The following ALX1 variants were observed in gnomAD, a reference collection of about 807,000 sequenced individuals.
ALX1 encodes the protein ALX homeobox 1.
ALX1 carries 19 observed loss-of-function variants against 31.7 expected under a neutral mutation model. The observed-to-expected ratio is 0.60, with a 90% CI of 0.42 to 0.88. The LOEUF (loss-of-function observed/expected upper bound fraction) is 0.88. Among genes scored for constraint, ALX1 ranks in the 40% least tolerant of loss-of-function variants. The pLI is 0.00. For synonymous variants in ALX1, 153 were observed against 148.8 expected (o/e 1.03, Z -0.20); for missense variants, 415 against 407.8 (o/e 1.02, Z -0.15).
intron 3 of ALX1, among the ~76,000 whole-genome samples, chr12:85,299,588 A>C (rs1021331248): frequency 3.3e-5 from 5 of 151,746 alleles, no homozygotes; most frequent in African/African-American, 1.2e-4. Flanking sequence ...TTTTAAGACA[A>C]CCCAGATATG....
intron 1 of ALX1, among the ~76,000 whole-genome samples, chr12:85,280,710 G>T (rs2137373410): frequency 6.6e-6 from 1 of 152,298 alleles, no homozygotes; most frequent in Admixed American, 6.5e-5. Flanking sequence ...GCACCGGGTT[G>T]CCTCTGAGCG....
At chr12:85,297,064 G>C (rs906192365) in intron 3 of ALX1, among the ~76,000 whole-genome samples, 7 of 151,806 alleles carry the variant, frequency 4.6e-5, no homozygotes, top group Non-Finnish European at 7.4e-5. Flanking sequence ...CCAGGGCATA[G>C]TTTAAAAATT....
chr12:85,285,148 TAA>T (rs1351616572), intron 2 of ALX1, among the ~76,000 whole-genome samples: 1 of 152,124 alleles, frequency 6.6e-6, no homozygotes, highest in African/African-American at 2.4e-5. Flanking sequence ...CTTGTAACCA[TAA>T]ACAAATATGT....
chr12:85,299,157 G>A (rs1358667273), intron 3 of ALX1, among the ~76,000 whole-genome samples: 1 of 148,300 alleles, frequency 6.7e-6, no homozygotes, highest in African/African-American at 2.5e-5. Context: ...AAGTAAGCAA[G>A]CAAAGTTCAC....
chr12:85,282,298 AATGTT>A (rs1302311873), intron 1 of ALX1, among the ~76,000 whole-genome samples: 1 of 152,130 alleles, frequency 6.6e-6, no homozygotes, highest in Non-Finnish European at 1.5e-5. Flanking sequence ...GGTACAAAGT[AATGTT>A]AAGTTTTTTT....
intron 3 of ALX1, among the ~76,000 whole-genome samples, chr12:85,288,797 G>C (rs528375530): frequency 5.0e-4 from 76 of 151,594 alleles, no homozygotes; most frequent in Non-Finnish European, 9.8e-4. Context: ...ACAATAGACT[G>C]TCTCTACCTG....
intron 2 of ALX1, among the ~76,000 whole-genome samples, chr12:85,284,391 A>T (rs1317033462): frequency 1.3e-5 from 2 of 151,522 alleles, no homozygotes; most frequent in African/African-American, 4.8e-5. Flanking sequence ...ATACCATGGA[A>T]TGTTTTCACT....
chr12:85,294,115 G>T (rs192902951), intron 3 of ALX1, among the ~76,000 whole-genome samples: 11 of 151,166 alleles, frequency 7.3e-5, no homozygotes, highest in African/African-American at 2.7e-4. Context: ...CTCCAAGCAA[G>T]ATCTCTAAAA....
chr12:85,286,251 T>C (rs1253114249), intron 2 of ALX1, among the ~76,000 whole-genome samples: 1 of 151,938 alleles, frequency 6.6e-6, no homozygotes, highest in Admixed American at 6.6e-5. Flanking sequence ...TCATGCTTAT[T>C]ATAATATGTA....
Position 85,299,255 on chromosome 12 carries a change from TC to T in ALX1, c.661-1899del, listed in dbSNP as rs1896928916. Among the ~76,000 whole-genome samples the T allele has an allele frequency of 4.6e-5, 7 of 151,318 alleles. No individual in the cohort carries two copies. The South Asian group carries it at 1.5e-3, about 32-fold the overall frequency. ...TGTGTGATTGAATGTCAGAGGAAAA[TC>T]ACGCAGATGAAGTTAGAAGAGGTAG... is the stretch of plus-strand genomic sequence containing the variant. On this transcript the variant is annotated intron_variant, in intron 3 of 3. Transcript: ENST00000316824.
At chr12:85,288,950 T>C (rs1051729486) in intron 3 of ALX1, among the ~76,000 whole-genome samples, 1 of 151,480 alleles carries the variant, frequency 6.6e-6, no homozygotes, top group Non-Finnish European at 1.5e-5. Context: ...CATTTTGAAC[T>C]ACTTGACTGT....
At chr12:85,298,519 A>T (rs1190121918) in intron 3 of ALX1, among the ~76,000 whole-genome samples, 1 of 151,766 alleles carries the variant, frequency 6.6e-6, no homozygotes, top group Non-Finnish European at 1.5e-5. Context: ...CAATGTGGAA[A>T]CCAACAATGT....
At chr12:85,280,848 C>T (rs975949944) in intron 1 of ALX1, among the ~76,000 whole-genome samples, 1 of 152,026 alleles carries the variant, frequency 6.6e-6, no homozygotes, top group Non-Finnish European at 1.5e-5. Context: ...GCTTCCTCTG[C>T]GAGCCCGCCT....
intron 3 of ALX1, among the ~76,000 whole-genome samples, chr12:85,298,647 G>A (rs1002791250): frequency 2.6e-5 from 4 of 151,622 alleles, no homozygotes; most frequent in African/African-American, 7.3e-5. Context: ...AAATGTGTGA[G>A]GATATCTCTA....
chr12:85,280,331 G>C lies in ALX1; in HGVS notation c.70G>C (p.Ala24Pro). The change falls in exon 1 of 4, where the codon GCA becomes CCA. Residue 24 changes from alanine to proline, a missense_variant. Physicochemically the swap from Ala to Pro is conservative, Grantham distance 27 (BLOSUM62 -1). Coordinates refer to ENST00000316824, the MANE Select transcript of ALX1 (RefSeq NM_006982.3). ...TAAAAACAGTGACTTTTACATGGGC[G>C]CAGGAGGTCCTCTGGAGCACGTTAT... Reference protein sequence around the residue: ...PSKNSDFYMGAGGPLEHVMET... With the variant: ...PSKNSDFYMGPGGPLEHVMET... The C allele has an allele frequency of 6.2e-7, 1 of 1,613,894 alleles. No individual in the cohort carries two copies. Among genetic ancestry groups the C allele is most frequent in the Non-Finnish European group, 8.5e-7 (1 of 1,180,028 alleles).
intron 3 of ALX1, among the ~76,000 whole-genome samples, chr12:85,293,479 A>G (rs947241923): frequency 4.6e-5 from 7 of 150,690 alleles, no homozygotes; most frequent in Non-Finnish European, 1.0e-4. Flanking sequence ...ATTCTGTTGC[A>G]TATACAAAGA....
chr12:85,280,449 T>A lies in ALX1; in HGVS notation c.188T>A (p.Val63Glu). The A allele has an allele frequency of 1.2e-6, 2 of 1,611,920 alleles. No individual in the cohort carries two copies. The highest frequency in any genetic ancestry group is 1.7e-6 in the Non-Finnish European group (2 of 1,179,982). Reference protein sequence around the residue: ...FGPLPRAEHHVRLERTSPCQD... With the variant: ...FGPLPRAEHHERLERTSPCQD... ...CCCCTGCCCCGCGCCGAGCATCACG[T>A]GCGCTTGGAGAGGACCTCGCCCTGT... The change falls in exon 1 of 4, where the codon GTG becomes GAG. Residue 63 changes from valine (V) to glutamate (E), a missense_variant. By Grantham distance (121) the Val-to-Glu change is moderately radical. Coordinates refer to ENST00000316824, the MANE Select transcript of ALX1 (RefSeq NM_006982.3).
At position 85,280,362 on chromosome 12, in the gene ALX1, C is replaced by T. The variant is rs774149369; in HGVS notation, c.101C>T (p.Thr34Met). Reference sequence around the variant, plus strand: ...GGTCCTCTGGAGCACGTTATGGAGACGCTGGACAATGAGTCCTTTTACAGC... The same window carrying T: ...GGTCCTCTGGAGCACGTTATGGAGATGCTGGACAATGAGTCCTTTTACAGC... ...AGGPLEHVMETLDNESFYSKA... is the reference protein window; with the variant it reads ...AGGPLEHVMEMLDNESFYSKA... The change falls in exon 1 of 4, where the codon ACG (threonine) becomes ATG (methionine). Residue 34 changes from threonine to methionine, a missense_variant. Physicochemically the swap from Thr to Met is moderately conservative, Grantham distance 81 (BLOSUM62 -1). Coordinates refer to ENST00000316824, the MANE Select transcript of ALX1 (RefSeq NM_006982.3). 2 of 1,613,936 alleles carry T rather than the reference C, an allele frequency of 1.2e-6. No individual in the cohort carries two copies. Among genetic ancestry groups the T allele is most frequent in the Admixed American group, 1.7e-5 (1 of 60,026 alleles).
intron 3 of ALX1, among the ~76,000 whole-genome samples, chr12:85,300,115 G>T (rs1052816940): frequency 4.6e-5 from 7 of 151,836 alleles, no homozygotes; most frequent in Admixed American, 1.3e-4. Context: ...TTTTCTCTGA[G>T]CTTCCCAGTA....
Sources: allele counts gnomAD v4.1 joint callset (sites outside exome capture counted in the v4.1 genomes callset), GRCh38; gene constraint gnomAD v4.1.1; transcripts MANE v1.5; gene names NCBI Gene and HGNC (gene_info 2026-07-23, HGNC 2026-07-21).